Variants in SPAG1 observed in about 807,000 individuals in gnomAD.
SPAG1 encodes sperm-associated antigen 1.
In SPAG1, 69 loss-of-function variants were observed where a neutral mutation model predicts 100.5. The ratio of observed to expected loss-of-function variants is 0.69; its 90% confidence interval spans 0.57 to 0.84. The LOEUF is 0.84. SPAG1 is among the 40% of genes least tolerant of loss of function. The probability of loss-of-function intolerance (pLI) is 0.00; values close to 1 mark genes in which losing one functional copy is unlikely to be tolerated. For synonymous variants in SPAG1, 336 were observed against 411.6 expected (o/e 0.82, Z 2.22); for missense variants, 955 against 1,133.1 (o/e 0.84, Z 2.26).
At chr8:100,226,669 C>T (rs911731131) in intron 14 of SPAG1, among the ~76,000 whole-genome samples, 20 of 151,844 alleles carry the variant, frequency 1.3e-4, no homozygotes, top group African/African-American at 4.6e-4. Context: ...TGTCACTGCA[C>T]TCCAGCCTGG....
In SPAG1 at chr8:100,220,398, GTGGA is replaced by G; in HGVS notation, c.1656_1659del (p.Gly553SerfsTer3). 1 of 1,613,460 alleles carries G rather than the reference GTGGA, an allele frequency of 6.2e-7. No individual in the cohort carries two copies. The highest frequency in any genetic ancestry group is 8.5e-7 in the Non-Finnish European group (1 of 1,179,794). On this transcript the variant is annotated frameshift_variant, in exon 13 of 19. Coordinates refer to ENST00000388798, the MANE Select transcript of SPAG1 (RefSeq NM_003114.5). LOFTEE classifies it high-confidence loss of function. ...TATAAAACAGTGTTGCAGATAGACT[GTGGA>G]CTCCAGCTAGCAAATGACAGTGTTA...
chr8:100,177,227 T>A (rs1324878165), intron 3 of SPAG1, among the ~76,000 whole-genome samples: 1 of 152,196 alleles, frequency 6.6e-6, no homozygotes, highest in Non-Finnish European at 1.5e-5. Flanking sequence ...GATCACTTTT[T>A]ATGGCAAGAT....
chr8:100,175,788 C>A (rs1056102209), intron 3 of SPAG1, among the ~76,000 whole-genome samples: 2 of 152,170 alleles, frequency 1.3e-5, no homozygotes, highest in Non-Finnish European at 2.9e-5. Context: ...ACTTCAGGAA[C>A]AAAGCATTGA....
rs779570829 is a variant in SPAG1, at chr8:100,231,163, A to C, written c.1863A>C (p.Lys621Asn). ...SHRQQGITDE[K>N]TFKALKEEGN... The stretch of plus-strand genomic sequence containing the variant: ...TGTTTTTTTGTCCCATAGATGAAAA[A>C]ACATTTAAAGCCCTTAAGGAAGAAG... Residue 621 changes from lysine to asparagine, a missense_variant, in exon 15 of 19, where the codon AAA (lysine) becomes AAC (asparagine). Transcript: ENST00000388798. 6.2e-6 allele frequency: 10 copies of C among 1,600,446 alleles called. No individual in the cohort carries two copies. The African/African-American group carries it at 1.3e-4, about 22-fold the overall frequency.
chr8:100,171,583 T>G (rs1815852428), intron 3 of SPAG1, among the ~76,000 whole-genome samples: 1 of 152,150 alleles, frequency 6.6e-6, no homozygotes, highest in Admixed American at 6.6e-5. Context: ...CTTTCTGATA[T>G]TTTTTTCCCC....
chr8:100,216,799 A>C (rs1818008481), intron 12 of SPAG1, among the ~76,000 whole-genome samples: 1 of 152,142 alleles, frequency 6.6e-6, no homozygotes, highest in Admixed American at 6.5e-5. Context: ...TGCTTTTGTG[A>C]ACATCTTTTC....
At chr8:100,191,546 G>A in intron 9 of SPAG1, 50 bp downstream of exon 9, 1 of 1,282,184 alleles carries the variant, frequency 7.8e-7, no homozygotes, top group South Asian at 1.2e-5. Flanking sequence ...GGCTGTTTCT[G>A]TATTTATTTT....
intron 3 of SPAG1, among the ~76,000 whole-genome samples, chr8:100,177,465 A>G (rs1176031985): frequency 6.6e-6 from 1 of 151,358 alleles, no homozygotes; most frequent in Non-Finnish European, 1.5e-5. Flanking sequence ...GGTGCCATTT[A>G]TGGTCTGTAA....
chr8:100,213,916 C>T lies in SPAG1; in HGVS notation c.1533C>T (p.Asn511=). ...GCAGTGGCTGCATTCAAGATTGTAA[C>T]AGGTAAACTGCACGTTTTCAGGTTT... The part of the protein sequence containing the change: ...GNCSGCIQDC[N]RALELHPFSM... The change falls in exon 12 of 19, where the codon AAC becomes AAT. Residue 511 remains asparagine (N), a splice_region_variant and synonymous_variant. Transcript: ENST00000388798. 1 of 1,551,772 alleles carries T rather than the reference C, an allele frequency of 6.4e-7. No homozygotes were observed. Among genetic ancestry groups the T allele is most frequent in the Non-Finnish European group, 8.9e-7 (1 of 1,127,654 alleles).
intron 10 of SPAG1, among the ~76,000 whole-genome samples, chr8:100,196,947 A>G (rs1817057662): frequency 6.6e-6 from 1 of 151,472 alleles, no homozygotes; most frequent in Admixed American, 6.6e-5. Context: ...TTTGAGATGG[A>G]GTCTCGCCAT....
intron 13 of SPAG1, among the ~76,000 whole-genome samples, chr8:100,222,732 C>T (rs778498673): frequency 2.6e-5 from 4 of 152,210 alleles, no homozygotes; most frequent in Non-Finnish European, 5.9e-5. Context: ...TGATTACTGA[C>T]ATTTCTGACC....
chr8:100,216,395 A>G (rs974019137), intron 12 of SPAG1, among the ~76,000 whole-genome samples: 95 of 152,202 alleles, frequency 6.2e-4, no homozygotes, highest in African/African-American at 2.1e-3. Flanking sequence ...TCCTTATCTG[A>G]GATCCTCTAA....
intron 8 of SPAG1, among the ~76,000 whole-genome samples, chr8:100,190,179 G>A (rs1470441450): frequency 6.6e-6 from 1 of 151,990 alleles, no homozygotes; most frequent in African/African-American, 2.4e-5. Context: ...TGGATGTGGT[G>A]GCATGAGCCT....
intron 16 of SPAG1, 62 bp downstream of exon 16, chr8:100,233,599 A>G: frequency 6.7e-7 from 1 of 1,489,154 alleles, no homozygotes; most frequent in African/African-American, 1.4e-5. Flanking sequence ...TGGTTTTCAC[A>G]AGCATAAATC....
chr8:100,222,545 C>T (rs1818331157), intron 13 of SPAG1, among the ~76,000 whole-genome samples: 1 of 152,072 alleles, frequency 6.6e-6, no homozygotes, highest in Non-Finnish European at 1.5e-5. Flanking sequence ...TAGTAGTTTT[C>T]AAGGTAGAGC....
At chr8:100,163,110 A>T (rs1156784251) in intron 2 of SPAG1, among the ~76,000 whole-genome samples, 3 of 152,162 alleles carry the variant, frequency 2.0e-5, no homozygotes, top group Non-Finnish European at 2.9e-5. Context: ...GGTGGTGGGG[A>T]GGCCTGACGG....
At chr8:100,212,943 G>A (rs2132349901) in intron 10 of SPAG1, 147 bp from the exon 11 acceptor site, 1 of 589,054 alleles carries the variant, frequency 1.7e-6, no homozygotes, top group Non-Finnish European at 2.6e-6. Flanking sequence ...AGGTCCGGCA[G>A]CACAGGCTCC....
Position 100,232,272 on chromosome 8 carries a change from A to C in SPAG1, c.1988+984A>C, listed in dbSNP as rs1818808660. On this transcript the variant is annotated intron_variant, in intron 15 of 18. Coordinates refer to ENST00000388798, the MANE Select transcript of SPAG1 (RefSeq NM_003114.5). ...CTGCGGAGGAGGAGGCTGGCAGCTC[A>C]TTGCCTGGTTCTCGTCCTCTCCCTC... Among the ~76,000 whole-genome samples the C allele has an allele frequency of 2.0e-5, 3 of 151,918 alleles. No individual in the cohort carries two copies. The South Asian group carries it at 6.2e-4, about 32-fold the overall frequency.
intron 14 of SPAG1, among the ~76,000 whole-genome samples, chr8:100,226,060 G>GA (rs1818499235): frequency 6.7e-6 from 1 of 148,208 alleles, no homozygotes; most frequent in Non-Finnish European, 1.5e-5. Context: ...GCAGTGGTGT[G>GA]ACCTCGGCTC....
Sources: allele counts gnomAD v4.1 joint callset (sites outside exome capture counted in the v4.1 genomes callset), GRCh38; gene constraint gnomAD v4.1.1; transcripts MANE v1.5; gene names NCBI Gene and HGNC (gene_info 2026-07-23, HGNC 2026-07-21).